EPC1: variants seen among roughly 807,000 people sequenced by gnomAD.
EPC1 encodes the protein enhancer of polycomb homolog 1.
A neutral mutation model predicts 98.4 loss-of-function variants in EPC1; 12 were observed. The ratio of observed to expected loss-of-function variants is 0.12; its 90% CI spans 0.08 to 0.20. The LOEUF (loss-of-function observed/expected upper bound fraction) is 0.20. EPC1 is among the 10% of genes least tolerant of loss of function. The pLI is 1.00. For synonymous variants in EPC1, 357 were observed against 363.9 expected, an observed-to-expected ratio of 0.98 and a Z score of 0.21; for missense variants, 729 against 990.5, an observed-to-expected ratio of 0.74 and a Z score of 3.54.
chr10:32,376,983 A>G (rs2133133100), intron 1 of EPC1: 1 of 152,280 alleles, frequency 6.6e-6, no homozygotes, highest in African/African-American at 2.4e-5. Context: ...AGTAAAACCT[A>G]TGTCAGATCG....
At chr10:32,280,216 AGGCTAAG>A (rs1336068996) in intron 10 of EPC1, among the ~76,000 whole-genome samples, 45 of 152,158 alleles carry the variant, frequency 3.0e-4, no homozygotes, top group Admixed American at 2.9e-3. Context: ...GCACTTTGGG[AGGCTAAG>A]GTAGGCGGAT....
intron 1 of EPC1, among the ~76,000 whole-genome samples, chr10:32,310,110 G>A (rs1475220275): frequency 1.3e-5 from 2 of 151,976 alleles, no homozygotes; most frequent in East Asian, 1.9e-4. Flanking sequence ...CAAGAGAATC[G>A]CTTGAACCCA....
chr10:32,359,679 T>C (rs1294800523), intron 1 of EPC1, among the ~76,000 whole-genome samples: 1 of 152,084 alleles, frequency 6.6e-6, no homozygotes, highest in African/African-American at 2.4e-5. Flanking sequence ...TGAGATTTAT[T>C]TTTCATATGT....
chr10:32,373,759 T>C (rs1241870084), intron 1 of EPC1, among the ~76,000 whole-genome samples: 1 of 152,232 alleles, frequency 6.6e-6, no homozygotes, highest in Non-Finnish European at 1.5e-5. Flanking sequence ...ATTGCTGATG[T>C]TATGGCAACG....
Position 32,284,712 on chromosome 10 carries a change from C to T in EPC1, c.1730G>A (p.Gly577Asp). The change falls in exon 10 of 14, where the codon GGT (glycine) becomes GAT (aspartate). Residue 577 changes from glycine to aspartate, a missense_variant. Physicochemically the swap from Gly to Asp is moderately conservative, Grantham distance 94. Around this residue, in one of 6 missense-constraint regions of EPC1, gnomAD observed 390 missense variants for 438.6 expected, o/e 0.89. Transcript: ENST00000319778. ...AGTCAACATACCAAAGTGTGCTGAA[C>T]CACTGCTACTTTTACTTTGCGTAGA... is the stretch of plus-strand genomic sequence containing the variant. Reference protein sequence around the residue: ...STSTQSKSSSGSAHFAFTAEQ... With the variant: ...STSTQSKSSSDSAHFAFTAEQ... 1 of 1,612,450 alleles carries T rather than the reference C, an allele frequency of 6.2e-7. No homozygotes were observed.
chr10:32,314,275 A>G (rs886481325), intron 1 of EPC1, among the ~76,000 whole-genome samples: 1 of 152,244 alleles, frequency 6.6e-6, no homozygotes, highest in African/African-American at 2.4e-5. Context: ...TTTTCTATAC[A>G]TAGCAATATG....
At chr10:32,373,720 G>A (rs1592645262) in intron 1 of EPC1, among the ~76,000 whole-genome samples, 1 of 152,204 alleles carries the variant, frequency 6.6e-6, no homozygotes, top group Admixed American at 6.5e-5. Context: ...TGGGTCTGCA[G>A]CAGCCACTTT....
At position 32,372,640 on chromosome 10, in the gene EPC1, C is replaced by T. The variant is rs550513334; in HGVS notation, c.3+5851G>A. On this transcript the variant is annotated intron_variant, in intron 1 of 13. Coordinates refer to the EPC1 transcript ENST00000375110. Reference sequence around the variant, plus strand: ...GTATATGACTGATAAATCAGAAGGCCGATTACTCATTCTAGGAAAACACTG... The same window carrying T: ...GTATATGACTGATAAATCAGAAGGCTGATTACTCATTCTAGGAAAACACTG... Among the ~76,000 whole-genome samples, 5 of 152,218 alleles carry T rather than the reference C, an allele frequency of 3.3e-5. No individual in the cohort carries two copies. The South Asian group carries it at 6.2e-4, about 19-fold the overall frequency.
At chr10:32,323,348 T>C (rs1837053758) in intron 1 of EPC1, among the ~76,000 whole-genome samples, 1 of 152,178 alleles carries the variant, frequency 6.6e-6, no homozygotes, top group Non-Finnish European at 1.5e-5. Flanking sequence ...ATCTCAAAAC[T>C]TTCTTGTTCA....
intron 10 of EPC1, among the ~76,000 whole-genome samples, chr10:32,276,469 A>G (rs1289528314): frequency 6.6e-6 from 1 of 152,216 alleles, no homozygotes; most frequent in African/African-American, 2.4e-5. Flanking sequence ...CCGAGACCGC[A>G]CCACTGCACT....
chr10:32,290,429 T>C (rs963364063), intron 6 of EPC1, among the ~76,000 whole-genome samples: 3 of 134,090 alleles, frequency 2.2e-5, no homozygotes, highest in African/African-American at 8.5e-5. Flanking sequence ...GAGGTTGCAG[T>C]GTGCTGAGAT....
chr10:32,330,971 G>A (rs986975386), intron 1 of EPC1, among the ~76,000 whole-genome samples: 1 of 151,962 alleles, frequency 6.6e-6, no homozygotes, highest in Non-Finnish European at 1.5e-5. Flanking sequence ...AAGTTCGAAC[G>A]TAAGATGAAA....
At chr10:32,317,468 C>G (rs1836623666) in intron 1 of EPC1, among the ~76,000 whole-genome samples, 1 of 150,712 alleles carries the variant, frequency 6.6e-6, no homozygotes, top group East Asian at 2.0e-4. Flanking sequence ...ATAGGGAAAC[C>G]CTGTCTCTAC....
chr10:32,271,546 C>T lies in EPC1; in HGVS notation c.2369+8G>A, dbSNP rs755127120. The T allele has an allele frequency of 6.2e-7, 1 of 1,608,362 alleles. No homozygotes were observed. Among genetic ancestry groups the T allele is most frequent in the Non-Finnish European group, 8.5e-7 (1 of 1,175,606 alleles). ...TTCCAGGTATGTTAGGCAAAAATAA[C>T]TACTCACCTTGGAACTGAATCTACA... On this transcript the variant is annotated splice_region_variant and intron_variant, in intron 13 of 13. Coordinates refer to ENST00000319778, the MANE Select transcript of EPC1 (RefSeq NM_001272004.3).
chr10:32,312,368 TAGAG>T (rs971189320), intron 1 of EPC1, among the ~76,000 whole-genome samples: 27 of 152,216 alleles, frequency 1.8e-4, no homozygotes, highest in Admixed American at 1.6e-3. Flanking sequence ...AACCATCAAT[TAGAG>T]AGACATCTGA....
intron 2 of EPC1, among the ~76,000 whole-genome samples, chr10:32,302,236 G>A (rs12264445): frequency 0.029 from 4,304 of 150,300 alleles, 174 homozygotes; most frequent in African/African-American, 0.092. Flanking sequence ...GCAAGACTCC[G>A]TCTCAAAAAA....
chr10:32,346,707 CAGGCAGCAG>C, intron 1 of EPC1, 47 bp downstream of exon 1: 1 of 1,534,874 alleles, frequency 6.5e-7, no homozygotes, highest in Non-Finnish European at 9.0e-7. Context: ...GCCGCCGCCG[CAGGCAGCAG>C]AGGGAGCGGG....
chr10:32,268,086 C>T lies in EPC1; in HGVS notation c.*977G>A, dbSNP rs1369134985. 1.3e-5 allele frequency: 2 copies of T among 152,074 alleles called. No homozygotes were observed. Among genetic ancestry groups the T allele is most frequent in the Non-Finnish European group, 2.9e-5 (2 of 68,022 alleles). The allele number at this position is 152,074 out of a possible 1,614,324, so 9.4% of individuals were successfully genotyped here. A position where few individuals can be genotyped will look rare whatever the true frequency, so the allele number is the denominator to read the frequency against. On this transcript the variant is annotated 3_prime_UTR_variant, in exon 14 of 14. Coordinates refer to ENST00000319778, the MANE Select transcript of EPC1 (RefSeq NM_001272004.3). Reference sequence around the variant, plus strand: ...GCATTCTTCTCCCTTATATCCTTTTCGTAAGAACAAGTAAAGAATGAAGTC... The same window carrying T: ...GCATTCTTCTCCCTTATATCCTTTTTGTAAGAACAAGTAAAGAATGAAGTC...
intron 1 of EPC1, among the ~76,000 whole-genome samples, chr10:32,369,396 C>T (rs1839686864): frequency 1.3e-5 from 2 of 152,060 alleles, no homozygotes; most frequent in South Asian, 4.1e-4. Context: ...CTTCAGAATA[C>T]CTTTTTTTAA....
Sources: gnomAD v4.1 joint callset for allele counts (sites outside exome capture counted in the v4.1 genomes callset) on GRCh38, gnomAD v4.1.1 for gene constraint, gnomAD v4.1.1 regional missense constraint, MANE v1.5 for transcripts, NCBI Gene and HGNC (gene_info 2026-07-23, HGNC 2026-07-21) for gene names.